Variants in GGN observed in about 807,000 individuals in gnomAD.
The protein encoded by GGN is gametogenetin.
GGN carries 27 observed loss-of-function variants against 35.5 expected under a neutral mutation model. The observed-to-expected ratio is 0.76, with a 90% CI of 0.56 to 1.05. The LOEUF is 1.05. Ranked by LOEUF, GGN falls within the 50% of genes least tolerant of loss-of-function variation. The probability of loss-of-function intolerance (pLI) is 0.00; values close to 1 mark genes in which losing one functional copy is unlikely to be tolerated. For synonymous variants in GGN, 425 were observed against 444.1 expected (o/e 0.96, Z 0.54); for missense variants, 1,006 against 940.7 (o/e 1.07, Z -0.91).
At chr19:38,385,287 G>T in intron 3 of GGN, 134 bp downstream of exon 3, 1 of 1,216,000 alleles carries the variant, frequency 8.2e-7, no homozygotes, top group Non-Finnish European at 1.1e-6. Flanking sequence ...TGAAGGGTGG[G>T]AGCTCAGCTA....
chr19:38,384,670 T>C, intron 3 of GGN, 141 bp from the exon 4 acceptor site: 1 of 634,252 alleles, frequency 1.6e-6, no homozygotes, highest in Non-Finnish European at 2.8e-6. Flanking sequence ...AGGGCAGGGC[T>C]GTGGCCACTT....
rs1300678081 is a variant in GGN, at chr19:38,384,386, GGT to G, written c.*24_*25del. ...GTTATTTTATTGGCATGGAGGGGAA[GGT>G]GGAGGGTGTTGAGCCGACTACACTC... On this transcript the variant is annotated 3_prime_UTR_variant, in exon 4 of 4. Coordinates refer to ENST00000334928, the MANE Select transcript of GGN (RefSeq NM_152657.4). The G allele has an allele frequency of 1.4e-5, 21 of 1,505,136 alleles. No individual in the cohort carries two copies. Among genetic ancestry groups the G allele is most frequent in the Non-Finnish European group, 1.8e-5 (19 of 1,081,618 alleles). 93.2% of individuals were successfully genotyped at this position (1,505,136 alleles called of 1,614,324 possible).
In GGN at chr19:38,387,253, G is replaced by A; in HGVS notation, c.9C>T (p.Asn3=). The part of the protein sequence containing the change: MG[N]LQSEPSAGGG... Reference sequence around the variant, plus strand: ...CGCCCGCGGATGGCTCCGACTGCAAGTTCCCCATTTCTGACGGAGCTCGGA... The same window carrying A: ...CGCCCGCGGATGGCTCCGACTGCAAATTCCCCATTTCTGACGGAGCTCGGA... Residue 3 remains asparagine (N), a synonymous_variant, in exon 3 of 4, where the codon AAC becomes AAT. Transcript: ENST00000334928. This position sits in a 1 kb window ranked among gnomAD's most constrained non-coding sequence, Gnocchi z 5.3. The A allele has an allele frequency of 1.3e-6, 2 of 1,594,344 alleles. No individual in the cohort carries two copies. The highest frequency in any genetic ancestry group is 1.7e-6 in the Non-Finnish European group (2 of 1,172,244).
rs1223664512 is a variant in GGN at position 38,385,583 on chromosome 19, C to G, written c.1679G>C (p.Ser560Thr). Residue 560 changes from serine to threonine, a missense_variant, in exon 3 of 4, where the codon AGT becomes ACT. Transcript: ENST00000334928. ...CCCGCTGCCACCACCCCCTCCACCA[C>G]TGCTGTCAGGCACGGTAGCTGTAGC... The part of the protein sequence containing the change: ...ERATATVPDS[S>T]GGGGGGSGAS... 2 of 1,614,176 alleles carry G rather than the reference C, an allele frequency of 1.2e-6. No homozygotes were observed. Among genetic ancestry groups the G allele is most frequent in the Admixed American group, 3.3e-5 (2 of 60,036 alleles).
Position 38,384,472 on chromosome 19 carries a change from C to G in GGN, c.1899G>C (p.Leu633=). The change falls in exon 4 of 4, where the codon CTG becomes CTC. Residue 633 remains leucine, a synonymous_variant. Transcript: ENST00000334928. The part of the protein sequence containing the change: ...GEPPWVATIK[L]SGSLVAKLEH... ...CCAGCTTGGCCACCAGAGAGCCGGACAGCTTGATGGTGGCAACCCAGGGTG... is the reference window on the plus strand; with the variant it reads ...CCAGCTTGGCCACCAGAGAGCCGGAGAGCTTGATGGTGGCAACCCAGGGTG... 2 of 1,614,076 alleles carry G rather than the reference C, an allele frequency of 1.2e-6. No individual in the cohort carries two copies. The highest frequency in any genetic ancestry group is 8.5e-7 in the Non-Finnish European group (1 of 1,179,990).
Position 38,385,624 on chromosome 19 carries a change from A to T in GGN, c.1638T>A (p.Asp546Glu). The change falls in exon 3 of 4, where the codon GAT becomes GAA. Residue 546 changes from aspartate (D) to glutamate (E), a missense_variant. Transcript: ENST00000334928. ...GATRKDGLHG[D>E]GPRERATATV... ...TAGCTGTAGCTCGTTCGCGAGGACC[A>T]TCTCCATGCAAGCCATCCTTACGGG... 6.2e-7 allele frequency: 1 copy of T among 1,614,096 alleles called. No individual in the cohort carries two copies. The highest frequency in any genetic ancestry group is 1.3e-5 in the African/African-American group (1 of 75,058).
At position 38,386,926 on chromosome 19, in the gene GGN, T is replaced by G. The variant is rs1265788037; in HGVS notation, c.336A>C (p.Gln112His). The change falls in exon 3 of 4, where the codon CAA (glutamine) becomes CAC (histidine). Residue 112 changes from glutamine (Q) to histidine (H), a missense_variant. Gln to His is a conservative substitution (Grantham distance 24, BLOSUM62 0). Transcript: ENST00000334928. ...GGGGAACTGGAGTGCCCGCGGGCTT[T>G]TGCCATTTAGACGGGCCGGGCAGCA... ...GTLLPGPSKW[Q>H]KPAGTPVPRI... 3 of 1,550,416 alleles carry G rather than the reference T, an allele frequency of 1.9e-6. No individual in the cohort carries two copies.
chr19:38,385,861 C>T lies in GGN; in HGVS notation c.1401G>A (p.Pro467=), dbSNP rs758487557. ...GGGCTGACTCCTTGTGGCCCAGACC[C>T]GGGGTGAGCGGGGGAGCCACCGGCA... ...TPLPVAPPLT[P]GLGHKESALA... The change falls in exon 3 of 4, where the codon CCG becomes CCA. Residue 467 remains proline (P), a synonymous_variant. Transcript: ENST00000334928. 5.8e-6 allele frequency: 9 copies of T among 1,544,008 alleles called. No individual in the cohort carries two copies. Among genetic ancestry groups the T allele is most frequent in the Non-Finnish European group, 7.0e-6 (8 of 1,148,086 alleles).
At position 38,386,744 on chromosome 19, in the gene GGN, G is replaced by A; in HGVS notation, c.518C>T (p.Pro173Leu). 6.2e-7 allele frequency: 1 copy of A among 1,609,486 alleles called. No homozygotes were observed. The highest frequency in any genetic ancestry group is 1.1e-5 in the South Asian group (1 of 90,788). Residue 173 changes from proline to leucine, a missense_variant, in exon 3 of 4, where the codon CCG (proline) becomes CTG (leucine). Coordinates refer to ENST00000334928, the MANE Select transcript of GGN (RefSeq NM_152657.4). ...CCGTTCAGAAGGTAATGGTGGTGGC[G>A]GCTTCCAAGTCTCCAGGGGCGGCGG... ...QFPPPLETWK[P>L]PPPLPSERQP... is the part of the protein sequence containing the mutation.
At position 38,385,721 on chromosome 19, in the gene GGN, G is replaced by A; in HGVS notation, c.1541C>T (p.Pro514Leu). 6.2e-7 allele frequency: 1 copy of A among 1,608,978 alleles called. No homozygotes were observed. The highest frequency in any genetic ancestry group is 2.2e-5 in the East Asian group (1 of 44,684). The change falls in exon 3 of 4, where the codon CCC (proline) becomes CTC (leucine). Residue 514 changes from proline (P) to leucine (L), a missense_variant. Pro to Leu is a moderately conservative substitution (Grantham distance 98). Coordinates refer to ENST00000334928, the MANE Select transcript of GGN (RefSeq NM_152657.4). ...VAEPSPPVSA[P>L]APAAAPIKTR... ...CTTGATGGGCGCAGCCGCGGGTGCGGGCGCGGACACAGGCGGCGAGGGCTC... is the reference window on the plus strand; with the variant it reads ...CTTGATGGGCGCAGCCGCGGGTGCGAGCGCGGACACAGGCGGCGAGGGCTC...
chr19:38,386,093 G>A lies in GGN; in HGVS notation c.1169C>T (p.Pro390Leu), dbSNP rs1970714670. Residue 390 changes from proline to leucine, a missense_variant, in exon 3 of 4, where the codon CCT becomes CTT. Transcript: ENST00000334928. ...AAALSGPWGS[P>L]PPPPEQIHSA... ...GTGTATCTGCTCTGGTGGTGGCGGA[G>A]GGGAGCCCCAAGGCCCAGAGAGTGC... 3 of 1,583,898 alleles carry A rather than the reference G, an allele frequency of 1.9e-6. No individual in the cohort carries two copies.
At chr19:38,388,210 C>T (rs1409767275), upstream of GGN, 3 of 283,276 alleles carry the variant, frequency 1.1e-5, no homozygotes, top group African/African-American at 2.2e-5. Context: ...CTTTTTAAGA[C>T]CCGGCAACAT....
In GGN at chr19:38,386,232, AG is replaced by A; in HGVS notation, c.1029del (p.Phe344SerfsTer145). The A allele has an allele frequency of 3.7e-6, 6 of 1,609,104 alleles. No homozygotes were observed. Among genetic ancestry groups the A allele is most frequent in the Non-Finnish European group, 5.1e-6 (6 of 1,179,228 alleles). On this transcript the variant is annotated frameshift_variant, in exon 3 of 4. Coordinates refer to ENST00000334928, the MANE Select transcript of GGN (RefSeq NM_152657.4). LOFTEE classifies it high-confidence loss of function. The part of the protein sequence containing the change: ...ARALPPPPYT[T>X]FPGSKPKFDW... ...TCGAATTTGGGCTTCGAGCCTGGGA[AG>A]GTGGTGTAGGGTGGCGGCGGTAGGG... is the stretch of plus-strand genomic sequence containing the variant.
Position 38,386,784 on chromosome 19 carries a change from C to G in GGN, c.478G>C (p.Ala160Pro), listed in dbSNP as rs765395570. 5.6e-6 allele frequency: 9 copies of G among 1,610,404 alleles called. No individual in the cohort carries two copies. In the African/African-American group the frequency reaches 6.7e-5, roughly 12 times the overall value. Reference protein sequence around the residue: ...QLSVKDTVPRAPSQFPPPLET... With the variant: ...QLSVKDTVPRPPSQFPPPLET... ...AGGGGCGGCGGAAATTGGGATGGGG[C>G]CCTCGGGACAGTGTCCTTCACGGAT... The change falls in exon 3 of 4, where the codon GCC becomes CCC. Residue 160 changes from alanine to proline, a missense_variant. By Grantham distance (27) the Ala-to-Pro change is conservative. Transcript: ENST00000334928.
At position 38,386,782 on chromosome 19, in the gene GGN, G is replaced by C. The variant is rs1218298575; in HGVS notation, c.480C>G (p.Ala160=). ...CCAGGGGCGGCGGAAATTGGGATGG[G>C]GCCCTCGGGACAGTGTCCTTCACGG... ...QLSVKDTVPR[A]PSQFPPPLET... Residue 160 remains alanine, a synonymous_variant, in exon 3 of 4, where the codon GCC becomes GCG. Transcript: ENST00000334928. The C allele has an allele frequency of 6.2e-7, 1 of 1,610,876 alleles. No homozygotes were observed. The highest frequency in any genetic ancestry group is 1.1e-5 in the South Asian group (1 of 90,900).
At chr19:38,385,204 GC>G (rs1263974794) in intron 3 of GGN, among the ~76,000 whole-genome samples, 1 of 152,224 alleles carries the variant, frequency 6.6e-6, no homozygotes, top group Non-Finnish European at 1.5e-5. Flanking sequence ...GGGATTGGAT[GC>G]CATAGGGCTG....
At chr19:38,384,551 A>T in intron 3 of GGN, 22 bp from the exon 4 acceptor site, 1 of 1,565,624 alleles carries the variant, frequency 6.4e-7, no homozygotes, top group Non-Finnish European at 8.8e-7. Flanking sequence ...GGGTAGAGTC[A>T]GCAAAGCCCA....
rs1043882323 is a variant in GGN at position 38,387,358 on chromosome 19, C to T, written c.-19-78G>A. 2 of 1,446,774 alleles carry T rather than the reference C, an allele frequency of 1.4e-6. No individual in the cohort carries two copies. Among genetic ancestry groups the T allele is most frequent in the African/African-American group, 2.9e-5 (2 of 70,116 alleles). The allele number at this position is 1,446,774 out of a possible 1,614,324, so 89.6% of individuals were successfully genotyped here. ...GAGGCTGGCTGTACTTGATCTAATG[C>T]GTCCGCACCGGCCCCGCCCCTGTTC... is the stretch of plus-strand genomic sequence containing the variant. On this transcript the variant is annotated intron_variant, in intron 2 of 3. Transcript: ENST00000334928. The surrounding 1 kb of genome is among the most constrained non-coding windows in gnomAD (Gnocchi z 5.3).
At position 38,384,479 on chromosome 19, in the gene GGN, A is replaced by G; in HGVS notation, c.1892T>C (p.Ile631Thr). 1 of 1,614,088 alleles carries G rather than the reference A, an allele frequency of 6.2e-7. No homozygotes were observed. ...HLGEPPWVAT[I>T]KLSGSLVAKL... ...GGCCACCAGAGAGCCGGACAGCTTG[A>G]TGGTGGCAACCCAGGGTGGCTCGCC... The change falls in exon 4 of 4, where the codon ATC becomes ACC. Residue 631 changes from isoleucine to threonine, a missense_variant. Ile to Thr is a moderately conservative substitution (Grantham distance 89, BLOSUM62 -1). Transcript: ENST00000334928.
Sources: allele counts gnomAD v4.1 joint callset (sites outside exome capture counted in the v4.1 genomes callset), GRCh38; gene constraint gnomAD v4.1.1; non-coding constraint Gnocchi (gnomAD v3.1); transcripts MANE v1.5; gene names NCBI Gene and HGNC (gene_info 2026-07-23, HGNC 2026-07-21).